The following WDR41 variants were observed in gnomAD, a reference collection of about 807,000 sequenced individuals.
The protein encoded by WDR41 is WD repeat domain 41.
Under a neutral mutation model 69.3 loss-of-function variants are expected in WDR41, and 63 were observed. The observed-to-expected ratio is 0.91, with a 90% confidence interval of 0.74 to 1.12. The LOEUF is 1.12. Among genes scored for constraint, WDR41 ranks in the 50% most tolerant of loss-of-function variants. WDR41 has a pLI of 0.00. For missense variants in WDR41, 543 were observed against 534.5 expected (o/e 1.02, Z -0.16); for synonymous variants, 185 against 192.1 (o/e 0.96, Z 0.31).
At chr5:77,505,994 A>G (rs76702591) in intron 1 of WDR41, among the ~76,000 whole-genome samples, 49,854 of 152,098 alleles carry the variant, frequency 0.33, 8,251 homozygotes, top group East Asian at 0.36. Context: ...CTTCATGTCT[A>G]AAACACCAAA....
chr5:77,515,496 T>C (rs1292087849), intron 1 of WDR41, among the ~76,000 whole-genome samples: 1 of 152,094 alleles, frequency 6.6e-6, no homozygotes, highest in African/African-American at 2.4e-5. Context: ...ACATTTTTTT[T>C]ATAAGTAGAA....
intron 4 of WDR41, among the ~76,000 whole-genome samples, chr5:77,461,927 A>C (rs1202686203): frequency 6.6e-6 from 1 of 151,148 alleles, no homozygotes. Flanking sequence ...TCTGGACTTC[A>C]CCAAGCCAAT....
chr5:77,477,377 T>C (rs1335134636), intron 2 of WDR41, among the ~76,000 whole-genome samples: 5 of 135,192 alleles, frequency 3.7e-5, no homozygotes, highest in South Asian at 2.5e-4. Flanking sequence ...ATACATTGTT[T>C]TCAGCACCAC....
At chr5:77,567,263 A>G (rs2112267301) in intron 1 of WDR41, among the ~76,000 whole-genome samples, 1 of 152,312 alleles carries the variant, frequency 6.6e-6, no homozygotes, top group East Asian at 1.9e-4. Context: ...CTCTTCCTCA[A>G]TGGAGCTTTT....
chr5:77,610,907 A>C (rs1475568441), intron 1 of WDR41, among the ~76,000 whole-genome samples: 1 of 151,952 alleles, frequency 6.6e-6, no homozygotes, highest in Non-Finnish European at 1.5e-5. Context: ...TATTCAGGAA[A>C]CCCATCTCAC....
chr5:77,546,097 CA>C, intron 1 of WDR41: 1 of 527,906 alleles, frequency 1.9e-6, no homozygotes, highest in Non-Finnish European at 3.3e-6. Context: ...GCAACTTCGG[CA>C]AGGCCACCTT....
At chr5:77,455,918 G>A (rs776607086) in intron 5 of WDR41, among the ~76,000 whole-genome samples, 5 of 151,384 alleles carry the variant, frequency 3.3e-5, no homozygotes, top group African/African-American at 4.9e-5. Flanking sequence ...AGATTGTTTC[G>A]GCTATTCTGG....
At chr5:77,522,328 G>A (rs1358499165) in intron 1 of WDR41, among the ~76,000 whole-genome samples, 3 of 152,246 alleles carry the variant, frequency 2.0e-5, no homozygotes, top group Non-Finnish European at 4.4e-5. Flanking sequence ...AGAATGCCAG[G>A]GAAGAAGGAA....
At chr5:77,541,178 G>A (rs1743080842) in intron 1 of WDR41, among the ~76,000 whole-genome samples, 5 of 152,102 alleles carry the variant, frequency 3.3e-5, no homozygotes, top group Admixed American at 3.3e-4. Context: ...CTTATAAAAT[G>A]GGAGAAAATT....
chr5:77,557,909 T>C (rs1743439023), intron 1 of WDR41, among the ~76,000 whole-genome samples: 1 of 152,054 alleles, frequency 6.6e-6, no homozygotes, highest in African/African-American at 2.4e-5. Context: ...AAAGAATGTA[T>C]ACGGTATGAT....
At chr5:77,486,107 C>T (rs576271277) in intron 2 of WDR41, among the ~76,000 whole-genome samples, 1 of 152,096 alleles carries the variant, frequency 6.6e-6, no homozygotes, top group East Asian at 1.9e-4. Context: ...TAAAAACATT[C>T]GGTTAATTCT....
chr5:77,599,565 C>T (rs1258497368), intron 1 of WDR41, among the ~76,000 whole-genome samples: 1 of 152,078 alleles, frequency 6.6e-6, no homozygotes, highest in African/African-American at 2.4e-5. Flanking sequence ...ATATCCTTGA[C>T]TGATTTTCCA....
chr5:77,594,190 T>C (rs1744178463), intron 1 of WDR41, among the ~76,000 whole-genome samples: 1 of 141,084 alleles, frequency 7.1e-6, no homozygotes, highest in South Asian at 2.2e-4. Flanking sequence ...CCGCATGTTC[T>C]CACTCACAGG....
At chr5:77,528,704 A>G (rs1233494623) in intron 1 of WDR41, among the ~76,000 whole-genome samples, 3 of 151,754 alleles carry the variant, frequency 2.0e-5, no homozygotes, top group Non-Finnish European at 4.4e-5. Flanking sequence ...CATGTTTACT[A>G]CAGAAATGCA....
intron 1 of WDR41, among the ~76,000 whole-genome samples, chr5:77,589,762 T>C (rs1408188926): frequency 6.6e-6 from 1 of 152,184 alleles, no homozygotes; most frequent in Admixed American, 6.5e-5. Context: ...CATAATCATG[T>C]CATTCATGAA....
intron 1 of WDR41, among the ~76,000 whole-genome samples, chr5:77,564,011 A>T (rs1355225501): frequency 6.6e-6 from 1 of 152,174 alleles, no homozygotes; most frequent in African/African-American, 2.4e-5. Flanking sequence ...TGAGTTATTT[A>T]ATCACTATGA....
At chr5:77,594,523 T>C (rs1580038552) in intron 1 of WDR41, among the ~76,000 whole-genome samples, 1 of 152,278 alleles carries the variant, frequency 6.6e-6, no homozygotes, top group East Asian at 1.9e-4. Flanking sequence ...TTTTTAAAAT[T>C]TCTAACAATG....
chr5:77,610,507 T>G (rs1467946870), intron 1 of WDR41, among the ~76,000 whole-genome samples: 22 of 151,054 alleles, frequency 1.5e-4, no homozygotes, highest in South Asian at 6.3e-4. Context: ...TATTCAACAT[T>G]CTTAAAGAAA....
In WDR41 at chr5:77,586,420, C is replaced by A. The variant is rs892098358; in HGVS notation, c.42+34059G>T. 2.0e-5 allele frequency among the ~76,000 whole-genome samples: 3 copies of A among 152,102 alleles called. No individual in the cohort carries two copies. In the East Asian group the frequency reaches 5.8e-4, roughly 29 times the overall value. On this transcript the variant is annotated intron_variant, in intron 1 of 5. Coordinates refer to the WDR41 transcript ENST00000509971. ...CTTCTGGATTCAGTTGATCCTCCCA[C>A]TTGAGCCTCTCCAGTAATTGAAACT... is the stretch of plus-strand genomic sequence containing the variant.
Sources: gnomAD v4.1 joint callset for allele counts (sites outside exome capture counted in the v4.1 genomes callset) on GRCh38, gnomAD v4.1.1 for gene constraint, MANE v1.5 for transcripts, NCBI Gene and HGNC (gene_info 2026-07-23, HGNC 2026-07-21) for gene names.